The following CSTF3 variants were observed in gnomAD, a reference collection of about 807,000 sequenced individuals.
CSTF3 encodes the protein cleavage stimulation factor subunit 3.
A neutral mutation model predicts 105.8 loss-of-function variants in CSTF3; 29 were observed. The ratio of observed to expected loss-of-function variants is 0.27; its 90% CI spans 0.20 to 0.37. The LOEUF is 0.37. CSTF3 is among the 10% of genes least tolerant of loss of function. The probability of loss-of-function intolerance (pLI) is 1.00; values close to 1 mark genes in which losing one functional copy is unlikely to be tolerated. For synonymous variants in CSTF3, 252 were observed against 281.9 expected (o/e 0.89, Z 1.06); for missense variants, 357 against 879.3 (o/e 0.41, Z 7.51).
At chr11:33,126,601 A>AT (rs1368517027) in intron 3 of CSTF3, among the ~76,000 whole-genome samples, 4 of 151,832 alleles carry the variant, frequency 2.6e-5, no homozygotes, top group Admixed American at 6.5e-5. Context: ...AAATAAAGAC[A>AT]TTTTTTTAAC....
chr11:33,090,005 T>C (rs1255000114), intron 17 of CSTF3, among the ~76,000 whole-genome samples: 2 of 152,230 alleles, frequency 1.3e-5, no homozygotes, highest in African/African-American at 4.8e-5. Flanking sequence ...GTTCTATTCA[T>C]AGATGAGCTA....
intron 15 of CSTF3, among the ~76,000 whole-genome samples, chr11:33,095,618 G>A (rs1456827704): frequency 7.9e-5 from 12 of 151,484 alleles, no homozygotes; most frequent in Admixed American, 7.2e-4. Context: ...TCAGGAGATC[G>A]AGACCATCCT....
intron 5 of CSTF3, among the ~76,000 whole-genome samples, chr11:33,106,973 T>C (rs1855333576): frequency 6.6e-6 from 1 of 151,954 alleles, no homozygotes; most frequent in Non-Finnish European, 1.5e-5. Flanking sequence ...TCCACTTCAA[T>C]ATAAGACAAT....
intron 3 of CSTF3, among the ~76,000 whole-genome samples, chr11:33,133,454 A>G (rs1855621476): frequency 6.6e-6 from 1 of 152,242 alleles, no homozygotes; most frequent in Non-Finnish European, 1.5e-5. Flanking sequence ...ATATGGGACA[A>G]ATGAACATTA....
intron 3 of CSTF3, among the ~76,000 whole-genome samples, chr11:33,122,533 A>G (rs1043499674): frequency 1.3e-5 from 2 of 152,222 alleles, no homozygotes; most frequent in Non-Finnish European, 2.9e-5. Flanking sequence ...GATGAAAAAA[A>G]TAATTTGCAA....
intron 4 of CSTF3, 91 bp downstream of exon 4, chr11:33,108,295 A>G (rs553278047): frequency 1.3e-5 from 15 of 1,147,318 alleles, no homozygotes; most frequent in Admixed American, 7.4e-5. Context: ...ATCTAGATTC[A>G]ATTATTATTA....
At position 33,144,089 on chromosome 11, in the gene CSTF3, G is replaced by A. The variant is rs546313533; in HGVS notation, c.28-2103C>T. 5.3e-5 allele frequency among the ~76,000 whole-genome samples: 8 copies of A among 152,156 alleles called. No individual in the cohort carries two copies. The South Asian group carries it at 1.7e-3, about 32-fold the overall frequency. On this transcript the variant is annotated intron_variant, in intron 1 of 20. Coordinates refer to ENST00000323959, the MANE Select transcript of CSTF3 (RefSeq NM_001326.3). The stretch of plus-strand genomic sequence containing the variant: ...TATTGATAATATCCGAGCATAAAGA[G>A]GGAAGCACTGCCCCTATCACTTTTC...
chr11:33,125,843 T>A (rs1294106972), intron 3 of CSTF3, among the ~76,000 whole-genome samples: 1 of 152,194 alleles, frequency 6.6e-6, no homozygotes, highest in African/African-American at 2.4e-5. Flanking sequence ...TCTGCTTATC[T>A]CCTCGCGTTC....
intron 1 of CSTF3, among the ~76,000 whole-genome samples, chr11:33,157,555 C>T (rs1459400048): frequency 6.6e-6 from 1 of 152,020 alleles, no homozygotes; most frequent in African/African-American, 2.4e-5. Flanking sequence ...TAGCTCTCTA[C>T]ATGCAAAATT....
At position 33,102,249 on chromosome 11, in the gene CSTF3, A is replaced by G; in HGVS notation, c.754T>C (p.Trp252Arg). The stretch of plus-strand genomic sequence containing the variant: ...TTTTCCCACTGTATATATTTCTTCC[A>G]CATATCTACTTGTTGAGCTTCTTGA... Reference protein sequence around the residue: ...TPQEAQQVDMWKKYIQWEKSN... With the variant: ...TPQEAQQVDMRKKYIQWEKSN... The change falls in exon 10 of 21, where the codon TGG becomes CGG. Residue 252 changes from tryptophan to arginine, a missense_variant. Transcript: ENST00000323959. 6.2e-7 allele frequency: 1 copy of G among 1,613,968 alleles called. No individual in the cohort carries two copies. The highest frequency in any genetic ancestry group is 2.2e-5 in the East Asian group (1 of 44,870).
intron 3 of CSTF3, among the ~76,000 whole-genome samples, chr11:33,118,432 A>T (rs987921126): frequency 2.0e-5 from 3 of 151,968 alleles, no homozygotes; most frequent in Non-Finnish European, 4.4e-5. Context: ...TAACTTGTCA[A>T]CAGCATGCCA....
At chr11:33,089,253 A>G (rs1463135797) in intron 17 of CSTF3, among the ~76,000 whole-genome samples, 2 of 151,630 alleles carry the variant, frequency 1.3e-5, no homozygotes, top group African/African-American at 4.8e-5. Flanking sequence ...GAGGCTGAAC[A>G]GGAGATCACC....
intron 1 of CSTF3, among the ~76,000 whole-genome samples, chr11:33,150,857 A>G (rs1234037721): frequency 6.8e-6 from 1 of 146,512 alleles, no homozygotes; most frequent in Non-Finnish European, 1.5e-5. Flanking sequence ...CCCTGTCTCA[A>G]AAAAAAAAAA....
intron 1 of CSTF3, among the ~76,000 whole-genome samples, chr11:33,147,894 G>A (rs1387104563): frequency 1.3e-5 from 2 of 152,058 alleles, no homozygotes; most frequent in Admixed American, 6.6e-5. Flanking sequence ...ACATATGGTC[G>A]TTTTTCTCTT....
At chr11:33,145,909 G>C (rs567428057) in intron 1 of CSTF3, among the ~76,000 whole-genome samples, 1 of 152,110 alleles carries the variant, frequency 6.6e-6, no homozygotes, top group South Asian at 2.1e-4. Context: ...AGCAGAAAAA[G>C]ATATTCTCAT....
In CSTF3 at chr11:33,096,338, A is replaced by T. The variant is rs1165865259; in HGVS notation, c.1343T>A (p.Leu448Gln). 6.3e-7 allele frequency: 1 copy of T among 1,596,456 alleles called. No individual in the cohort carries two copies. The highest frequency in any genetic ancestry group is 1.4e-5 in the African/African-American group (1 of 73,912). The stretch of plus-strand genomic sequence containing the variant: ...GTGAGAAAGATAGTCAATATAGGCC[A>T]GGACATACTCTGGAATGTCTCCATA... ...KKYGDIPEYV[L>Q]AYIDYLSHLN... The change falls in exon 15 of 21, where the codon CTG becomes CAG. Residue 448 changes from leucine (L) to glutamine (Q), a missense_variant. Leu to Gln is a moderately radical substitution (Grantham distance 113). Transcript: ENST00000323959.
At chr11:33,089,403 G>T (rs373349358) in intron 17 of CSTF3, among the ~76,000 whole-genome samples, 1 of 151,152 alleles carries the variant, frequency 6.6e-6, no homozygotes, top group Non-Finnish European at 1.5e-5. Flanking sequence ...TCTTATCAAG[G>T]TTATAACAAA....
At chr11:33,104,196 G>A (rs1855305665) in intron 8 of CSTF3, among the ~76,000 whole-genome samples, 1 of 152,180 alleles carries the variant, frequency 6.6e-6, no homozygotes, top group Non-Finnish European at 1.5e-5. Context: ...AGCAAGGAAA[G>A]ATAAACATTA....
intron 3 of CSTF3, among the ~76,000 whole-genome samples, chr11:33,128,204 T>G (rs539289793): frequency 6.6e-6 from 1 of 152,266 alleles, no homozygotes; most frequent in East Asian, 1.9e-4. Flanking sequence ...ATTTTTTATC[T>G]TAGGAAATGT....
Sources: gnomAD v4.1 joint callset for allele counts (sites outside exome capture counted in the v4.1 genomes callset) on GRCh38, gnomAD v4.1.1 for gene constraint, MANE v1.5 for transcripts, NCBI Gene and HGNC (gene_info 2026-07-23, HGNC 2026-07-21) for gene names.